The following ULK4 variants were observed in gnomAD, a reference collection of about 807,000 sequenced individuals.
The protein encoded by ULK4 is inactive serine/threonine-protein kinase ULK4.
A neutral mutation model predicts 160.6 loss-of-function variants in ULK4; 133 were observed. That is an observed-to-expected ratio of 0.83 (90% confidence interval 0.72 to 0.96). The LOEUF (loss-of-function observed/expected upper bound fraction) is 0.96, where lower values mean the gene tolerates loss of function less well. ULK4 is among the 40% of genes least tolerant of loss of function. The probability of loss-of-function intolerance (pLI) is 0.00; values close to 1 mark genes in which losing one functional copy is unlikely to be tolerated. For synonymous variants in ULK4, 534 were observed against 539.8 expected, an observed-to-expected ratio of 0.99 and a Z score of 0.15; for missense variants, 1,580 against 1,499.5, an observed-to-expected ratio of 1.05 and a Z score of -0.89.
intron 27 of ULK4, among the ~76,000 whole-genome samples, chr3:41,700,068 G>T (rs572246480): frequency 7.6e-4 from 116 of 152,264 alleles, no homozygotes; most frequent in African/African-American, 2.7e-3. Flanking sequence ...TCATTGCTGT[G>T]ACAATGACCA....
chr3:41,959,939 A>T (rs1210414084), intron 1 of ULK4, among the ~76,000 whole-genome samples: 1 of 152,220 alleles, frequency 6.6e-6, no homozygotes, highest in Non-Finnish European at 1.5e-5. Context: ...CTACATTAGG[A>T]TATCTCAGGA....
intron 20 of ULK4, among the ~76,000 whole-genome samples, chr3:41,790,387 A>G (rs968874155): frequency 6.6e-6 from 1 of 152,260 alleles, no homozygotes; most frequent in Non-Finnish European, 1.5e-5. Context: ...GCAGGAAATT[A>G]AACCGATATA....
At chr3:41,412,192 G>C (rs567342242) in intron 34 of ULK4, among the ~76,000 whole-genome samples, 1 of 152,194 alleles carries the variant, frequency 6.6e-6, no homozygotes, top group African/African-American at 2.4e-5. Flanking sequence ...CAATATAATA[G>C]CATAAAAAAA....
intron 31 of ULK4, among the ~76,000 whole-genome samples, chr3:41,573,578 C>T (rs1252617056): frequency 6.6e-6 from 1 of 152,122 alleles, no homozygotes; most frequent in Non-Finnish European, 1.5e-5. Context: ...AATTAAAAGA[C>T]CACAACTAAT....
intron 35 of ULK4, among the ~76,000 whole-genome samples, chr3:41,377,521 T>G (rs1409590315): frequency 6.8e-6 from 1 of 147,782 alleles, no homozygotes; most frequent in Non-Finnish European, 1.5e-5. Flanking sequence ...TCAAACAAAT[T>G]TACAAGAAAA....
Position 41,286,980 on chromosome 3 carries a change from G to A in ULK4, c.3679-37406C>T, listed in dbSNP as rs180785650. Among the ~76,000 whole-genome samples, 12 of 152,328 alleles carry A rather than the reference G, an allele frequency of 7.9e-5. No homozygotes were observed. In the East Asian group the frequency reaches 2.1e-3, roughly 27 times the overall value. ...TTAGACCATGTCCTTTTCAGTGGTAGGATGCCATAGGTATATATTGTAATG... is the reference window on the plus strand; with the variant it reads ...TTAGACCATGTCCTTTTCAGTGGTAAGATGCCATAGGTATATATTGTAATG... On this transcript the variant is annotated intron_variant, in intron 35 of 36. Coordinates refer to ENST00000301831, the MANE Select transcript of ULK4 (RefSeq NM_017886.4).
chr3:41,906,330 G>C (rs149962628), intron 12 of ULK4, among the ~76,000 whole-genome samples: 298 of 151,752 alleles, frequency 2.0e-3, no homozygotes, highest in African/African-American at 6.3e-3. Flanking sequence ...TTTGAGACCA[G>C]CTTACGCAAA....
At chr3:41,849,238 T>G (rs2042145712) in intron 17 of ULK4, among the ~76,000 whole-genome samples, 1 of 152,214 alleles carries the variant, frequency 6.6e-6, no homozygotes, top group African/African-American at 2.4e-5. Context: ...GAGGTAGTCA[T>G]GAAGGACTTG....
chr3:41,901,919 T>C (rs796667214), intron 12 of ULK4, among the ~76,000 whole-genome samples: 6 of 152,338 alleles, frequency 3.9e-5, no homozygotes, highest in African/African-American at 1.4e-4. Context: ...AAACCTCAAT[T>C]ATTTATTAAG....
At chr3:41,888,539 C>G (rs1475722868) in intron 16 of ULK4, among the ~76,000 whole-genome samples, 1 of 152,196 alleles carries the variant, frequency 6.6e-6, no homozygotes, top group African/African-American at 2.4e-5. Context: ...GGACAATCAT[C>G]AGATTACAAC....
chr3:41,428,871 G>T (rs186541103), intron 34 of ULK4, among the ~76,000 whole-genome samples: 1 of 151,994 alleles, frequency 6.6e-6, no homozygotes, highest in Non-Finnish European at 1.5e-5. Context: ...TGACAAAAAC[G>T]TCAAAAGCTA....
At chr3:41,646,390 G>C (rs2034491642) in intron 30 of ULK4, among the ~76,000 whole-genome samples, 1 of 152,154 alleles carries the variant, frequency 6.6e-6, no homozygotes, top group Admixed American at 6.5e-5. Context: ...CAGGCCTGGT[G>C]GTGACAAAAC....
intron 27 of ULK4, among the ~76,000 whole-genome samples, chr3:41,703,897 T>A (rs1369469884): frequency 6.9e-6 from 1 of 144,648 alleles, no homozygotes; most frequent in Non-Finnish European, 1.5e-5. Context: ...GTTTGAAGGG[T>A]GGGGGCAGAG....
intron 30 of ULK4, among the ~76,000 whole-genome samples, chr3:41,633,673 T>C (rs1014138284): frequency 6.6e-6 from 1 of 152,152 alleles, no homozygotes; most frequent in Non-Finnish European, 1.5e-5. Context: ...TAGCAGATTA[T>C]GACTAATCTC....
chr3:41,841,297 C>A (rs534747724), intron 17 of ULK4, among the ~76,000 whole-genome samples: 1 of 135,442 alleles, frequency 7.4e-6, no homozygotes, highest in Admixed American at 7.4e-5. Context: ...GAAGTGGGCG[C>A]CTCTGCCCGG....
intron 32 of ULK4, among the ~76,000 whole-genome samples, chr3:41,478,438 C>G (rs1223096483): frequency 6.6e-6 from 1 of 152,076 alleles, no homozygotes; most frequent in Non-Finnish European, 1.5e-5. Context: ...TTAAACCAGC[C>G]CAGCTCCCTT....
At chr3:41,617,052 A>G (rs908403435) in intron 30 of ULK4, among the ~76,000 whole-genome samples, 8 of 152,156 alleles carry the variant, frequency 5.3e-5, no homozygotes, top group Admixed American at 4.6e-4. Flanking sequence ...GCTTCTCTAG[A>G]TTCCTCCTCA....
At chr3:41,913,944 C>A (rs1258057987) in intron 8 of ULK4, among the ~76,000 whole-genome samples, 1 of 152,134 alleles carries the variant, frequency 6.6e-6, no homozygotes, top group South Asian at 2.1e-4. Context: ...GCCTGGGTGA[C>A]AGAGTGAGAC....
At chr3:41,403,897 T>C (rs1397581663) in intron 34 of ULK4, among the ~76,000 whole-genome samples, 1 of 152,186 alleles carries the variant, frequency 6.6e-6, no homozygotes, top group East Asian at 1.9e-4. Flanking sequence ...AATTTTCCTA[T>C]TGTCGTTCTC....
Sources: gnomAD v4.1 joint callset for allele counts (sites outside exome capture counted in the v4.1 genomes callset) on GRCh38, gnomAD v4.1.1 for gene constraint, MANE v1.5 for transcripts, NCBI Gene and HGNC (gene_info 2026-07-23, HGNC 2026-07-21) for gene names.